The following RAD51B variants were observed in gnomAD, a reference collection of about 807,000 sequenced individuals.
RAD51B encodes the protein RAD51 paralog B, also known as DNA repair protein RAD51 homolog 2.
Under a neutral mutation model 42.2 loss-of-function variants are expected in RAD51B, and 38 were observed. The observed-to-expected ratio is 0.90, with a 90% CI of 0.70 to 1.18. The LOEUF (loss-of-function observed/expected upper bound fraction) is 1.18. RAD51B is among the 50% of genes most tolerant of loss of function. The probability of loss-of-function intolerance (pLI) is 0.00; values close to 1 mark genes in which losing one functional copy is unlikely to be tolerated. For synonymous variants in RAD51B, 154 were observed against 145.2 expected, an observed-to-expected ratio of 1.06 and a Z score of -0.43; for missense variants, 373 against 400.7, an observed-to-expected ratio of 0.93 and a Z score of 0.59.
chr14:68,199,446 G>A (rs746244417), intron 7 of RAD51B, among the ~76,000 whole-genome samples: 21 of 152,084 alleles, frequency 1.4e-4, no homozygotes, highest in Non-Finnish European at 2.8e-4. Flanking sequence ...TTTCTTTCTT[G>A]TGTTCATGTA....
intron 7 of RAD51B, among the ~76,000 whole-genome samples, chr14:68,278,359 AG>A (rs2081262607): frequency 6.6e-6 from 1 of 152,218 alleles, no homozygotes; most frequent in South Asian, 2.1e-4. Context: ...GCTTGCTGCA[AG>A]CCAGGCAAGT....
chr14:68,679,987 T>G (rs1204481249), intron 11 of RAD51B, among the ~76,000 whole-genome samples: 9 of 152,186 alleles, frequency 5.9e-5, no homozygotes, highest in South Asian at 2.1e-4. Context: ...AAGATAAAAG[T>G]GAAACAACAA....
intron 7 of RAD51B, among the ~76,000 whole-genome samples, chr14:68,128,527 C>A (rs1006366826): frequency 3.3e-5 from 5 of 152,134 alleles, no homozygotes; most frequent in Admixed American, 3.3e-4. Flanking sequence ...CCCATCTCTA[C>A]CAGAAAATAC....
intron 7 of RAD51B, among the ~76,000 whole-genome samples, chr14:68,097,829 G>T (rs1202948040): frequency 3.3e-5 from 5 of 152,080 alleles, no homozygotes; most frequent in African/African-American, 1.2e-4. Context: ...ATCATTCCAG[G>T]ATTCATTTAG....
intron 7 of RAD51B, among the ~76,000 whole-genome samples, chr14:68,171,721 G>A (rs998087822): frequency 3.3e-5 from 5 of 151,224 alleles, no homozygotes; most frequent in Non-Finnish European, 7.4e-5. Context: ...CTTTTTTTGT[G>A]TGTGTGACGG....
rs1566939370 is a variant in RAD51B at position 68,565,183 on chromosome 14, GT to G, written c.1037-29301del. 6.6e-6 allele frequency among the ~76,000 whole-genome samples: 1 copy of G among 152,192 alleles called. No individual in the cohort carries two copies. Among genetic ancestry groups the G allele is most frequent in the Non-Finnish European group, 1.5e-5 (1 of 68,042 alleles). On this transcript the variant is annotated intron_variant, in intron 10 of 10. Coordinates refer to the RAD51B transcript ENST00000487270. The surrounding 1 kb of genome is among the most constrained non-coding windows in gnomAD (Gnocchi z 4.1). ...GTCAGGGGACCCTTTTCTCATTCCA[GT>G]CCTTGATGTGGATCCAAGGGAAGCA... is the stretch of plus-strand genomic sequence containing the variant.
At chr14:68,673,613 A>G (rs920968996) in intron 11 of RAD51B, among the ~76,000 whole-genome samples, 4 of 146,450 alleles carry the variant, frequency 2.7e-5, no homozygotes, top group African/African-American at 7.8e-5. Context: ...GCACACACAC[A>G]CGTACACATA....
chr14:68,372,404 A>G (rs1047723564), intron 8 of RAD51B, among the ~76,000 whole-genome samples: 1 of 152,060 alleles, frequency 6.6e-6, no homozygotes, highest in Non-Finnish European at 1.5e-5. Context: ...ATATTGATGT[A>G]CATAATGCAG....
chr14:68,469,730 A>G lies in RAD51B; in HGVS notation c.1036+1480A>G, dbSNP rs537200279. Among the ~76,000 whole-genome samples the G allele has an allele frequency of 3.3e-5, 5 of 152,358 alleles. No homozygotes were observed. The East Asian group carries it at 7.7e-4, about 24-fold the overall frequency. On this transcript the variant is annotated intron_variant, in intron 10 of 10. Coordinates refer to ENST00000471583, the MANE Select transcript of RAD51B (RefSeq NM_133510.4). ...TTAGAGGCCTTCTTAAAAGATTAGA[A>G]GTATAGTAAGTAGCAAATTTCGTTG...
intron 7 of RAD51B, among the ~76,000 whole-genome samples, chr14:68,187,758 A>G (rs1413520367): frequency 2.0e-5 from 3 of 152,056 alleles, no homozygotes; most frequent in Non-Finnish European, 4.4e-5. Context: ...TATATTATAT[A>G]CTGTTTTGCA....
chr14:68,167,251 T>C (rs981989893), intron 7 of RAD51B, among the ~76,000 whole-genome samples: 2 of 152,166 alleles, frequency 1.3e-5, no homozygotes, highest in African/African-American at 4.8e-5. Flanking sequence ...AGTTTGTGGG[T>C]TCCAAAACAT....
chr14:68,020,502 G>GA (rs1257525017), intron 7 of RAD51B, among the ~76,000 whole-genome samples: 1 of 151,892 alleles, frequency 6.6e-6, no homozygotes, highest in South Asian at 2.1e-4. Flanking sequence ...CTTCCTTTTA[G>GA]AAAAAATTAG....
chr14:67,872,447 A>G, intron 5 of RAD51B, among the ~76,000 whole-genome samples: 1 of 146,604 alleles, frequency 6.8e-6, no homozygotes, highest in Non-Finnish European at 1.5e-5. Flanking sequence ...GAGGATACAA[A>G]CAAATGGAAG....
At chr14:68,394,633 CCT>C (rs2083859364) in intron 8 of RAD51B, among the ~76,000 whole-genome samples, 4 of 152,360 alleles carry the variant, frequency 2.6e-5, no homozygotes, top group Admixed American at 2.6e-4. Context: ...ATGTCTCAAT[CCT>C]CTGAAAGCAT....
intron 10 of RAD51B, among the ~76,000 whole-genome samples, chr14:68,568,206 A>G (rs980499114): frequency 6.6e-6 from 1 of 152,222 alleles, no homozygotes; most frequent in African/African-American, 2.4e-5. Flanking sequence ...AGATCACCAT[A>G]ATACAATGTG....
chr14:68,460,598 A>G (rs17105669), intron 9 of RAD51B, among the ~76,000 whole-genome samples: 2,228 of 152,290 alleles, frequency 0.015, 57 homozygotes, highest in African/African-American at 0.051. Flanking sequence ...GGCCACACCT[A>G]TACTTTAAAA....
chr14:68,242,092 C>T (rs1430586506), intron 7 of RAD51B, among the ~76,000 whole-genome samples: 1 of 152,216 alleles, frequency 6.6e-6, no homozygotes, highest in East Asian at 1.9e-4. Flanking sequence ...CAGGCTACTC[C>T]ACACTACCCT....
intron 8 of RAD51B, among the ~76,000 whole-genome samples, chr14:68,323,161 G>A (rs1021224646): frequency 1.3e-5 from 2 of 152,178 alleles, no homozygotes; most frequent in Non-Finnish European, 2.9e-5. Context: ...AGCGCCCAGG[G>A]AGACCATGGG....
In RAD51B at chr14:68,534,435, G is replaced by A. The variant is rs78093228; in HGVS notation, c.1037-60050G>A. ...TGAAGGAATGAGCATCCAAATAGCT[G>A]TGGTTTTTAAAGGATAAAGGAGGAG... On this transcript the variant is annotated intron_variant, in intron 10 of 10. Coordinates refer to the RAD51B transcript ENST00000487270. 7.3e-3 allele frequency among the ~76,000 whole-genome samples: 1,108 copies of A among 152,296 alleles called. 10 individuals are homozygous for A. Among genetic ancestry groups the A allele is most frequent in the African/African-American group, 0.026 (1,080 of 41,562 alleles).
Sources: gnomAD v4.1 joint callset for allele counts (sites outside exome capture counted in the v4.1 genomes callset) on GRCh38, gnomAD v4.1.1 for gene constraint, Gnocchi (gnomAD v3.1) non-coding constraint, MANE v1.5 for transcripts, NCBI Gene and HGNC (gene_info 2026-07-23, HGNC 2026-07-21) for gene names.